The following ST8SIA6 variants were observed in gnomAD, a reference collection of about 807,000 sequenced individuals.
ST8SIA6 encodes alpha-2,8-sialyltransferase 8F.
Under a neutral mutation model 33.6 loss-of-function variants are expected in ST8SIA6, and 39 were observed. That is an observed-to-expected ratio of 1.16 (90% CI 0.90 to 1.52). ST8SIA6 has a LOEUF of 1.52. Among genes scored for constraint, ST8SIA6 ranks in the 40% most tolerant of loss-of-function variants. ST8SIA6 has a pLI of 0.00. For synonymous variants in ST8SIA6, 172 were observed against 167.2 expected (o/e 1.03, Z -0.22); for missense variants, 441 against 443.8 (o/e 0.99, Z 0.06).
rs1170874594 is a variant in ST8SIA6 at position 17,374,748 on chromosome 10, AAT to A, written c.291-15150_291-15149del. On this transcript the variant is annotated intron_variant, in intron 3 of 7. Transcript: ENST00000377602. Reference sequence around the variant, plus strand: ...TAAATAAATAAATAAATAAATAAATAATAAATATATATATATATATTTAGCTC... The same window carrying A: ...TAAATAAATAAATAAATAAATAAATAAAATATATATATATATATTTAGCTC... Among the ~76,000 whole-genome samples, 560 of 66,126 alleles carry A rather than the reference AAT, an allele frequency of 8.5e-3. 10 individuals carry two copies. The highest frequency in any genetic ancestry group is 0.031 in the East Asian group (39 of 1,256). The allele number at this position is 66,126 out of a possible 152,430, so 43.4% of individuals were successfully genotyped here. A position where few individuals can be genotyped will look rare whatever the true frequency, so the allele number is the denominator to read the frequency against.
chr10:17,379,176 T>A (rs1415914706), intron 3 of ST8SIA6, among the ~76,000 whole-genome samples: 1 of 151,100 alleles, frequency 6.6e-6, no homozygotes, highest in East Asian at 1.9e-4. Flanking sequence ...CCCAAAGATC[T>A]AGCTAGGCAA....
chr10:17,388,791 C>G (rs1850475577), intron 3 of ST8SIA6, among the ~76,000 whole-genome samples: 1 of 152,212 alleles, frequency 6.6e-6, no homozygotes, highest in Non-Finnish European at 1.5e-5. Flanking sequence ...TGGTTTGAGT[C>G]TGAAACAAAA....
At chr10:17,407,674 A>G (rs1014475946) in intron 2 of ST8SIA6, among the ~76,000 whole-genome samples, 6 of 152,220 alleles carry the variant, frequency 3.9e-5, no homozygotes, top group Non-Finnish European at 1.5e-5. Flanking sequence ...TACTGTGTGC[A>G]GGCAGAATGA....
intron 2 of ST8SIA6, among the ~76,000 whole-genome samples, chr10:17,414,878 G>T (rs958673531): frequency 6.6e-6 from 1 of 152,144 alleles, no homozygotes; most frequent in Non-Finnish European, 1.5e-5. Flanking sequence ...CAGAGTGCCT[G>T]TGTTTTTCAT....
intron 3 of ST8SIA6, among the ~76,000 whole-genome samples, chr10:17,379,766 C>T (rs917633714): frequency 6.6e-6 from 1 of 152,120 alleles, no homozygotes; most frequent in African/African-American, 2.4e-5. Flanking sequence ...TATGCCCGAC[C>T]ACCTTGGGCA....
Position 17,320,981 on chromosome 10 carries a change from G to C in ST8SIA6, c.1094C>G (p.Pro365Arg), listed in dbSNP as rs770975338. ...GGGCATCTGATGGAAACCATGTTTA[G>C]GTAGCTTGTTGTCATAATAGTGATG... ...VSHHYYDNKLPKHGFHQMPKE... is the reference protein window; with the variant it reads ...VSHHYYDNKLRKHGFHQMPKE... Residue 365 changes from proline to arginine, a missense_variant, in exon 8 of 8, where the codon CCT becomes CGT. Transcript: ENST00000377602. The C allele has an allele frequency of 1.2e-6, 2 of 1,614,092 alleles. No individual in the cohort carries two copies.
intron 4 of ST8SIA6, among the ~76,000 whole-genome samples, chr10:17,340,382 C>A (rs968228355): frequency 2.6e-5 from 4 of 152,036 alleles, no homozygotes; most frequent in African/African-American, 7.3e-5. Flanking sequence ...CCTTTAGTCA[C>A]GTGTTCCGTA....
At chr10:17,374,350 C>T (rs79847940) in intron 3 of ST8SIA6, among the ~76,000 whole-genome samples, 2,049 of 152,186 alleles carry the variant, frequency 0.013, 24 homozygotes, top group Non-Finnish European at 0.022. Context: ...TGTTAAACCA[C>T]CTTTTAATAA....
chr10:17,334,551 A>AAATTATT (rs1554785997), intron 4 of ST8SIA6, among the ~76,000 whole-genome samples: 98 of 142,760 alleles, frequency 6.9e-4, no homozygotes, highest in East Asian at 2.4e-3. Context: ...AAAAAAAAAA[A>AAATTATT]ATTATTATTA....
intron 4 of ST8SIA6, among the ~76,000 whole-genome samples, chr10:17,338,028 A>AT (rs1393759952): frequency 1.1e-5 from 1 of 94,978 alleles, no homozygotes; most frequent in Admixed American, 1.5e-4. Context: ...AGAAAATACT[A>AT]TTCTTTTTTT....
intron 3 of ST8SIA6, among the ~76,000 whole-genome samples, chr10:17,369,397 A>G (rs1318143580): frequency 2.6e-5 from 4 of 152,156 alleles, no homozygotes; most frequent in Non-Finnish European, 5.9e-5. Flanking sequence ...TTTTTCTGCT[A>G]TGTATTTCAA....
At chr10:17,444,797 C>G (rs778514977) in intron 2 of ST8SIA6, among the ~76,000 whole-genome samples, 50 of 152,242 alleles carry the variant, frequency 3.3e-4, no homozygotes, top group Non-Finnish European at 6.6e-4. Flanking sequence ...CACATCAGAA[C>G]AGAGATGGGG....
intron 2 of ST8SIA6, among the ~76,000 whole-genome samples, chr10:17,434,170 A>G (rs2131725173): frequency 6.6e-6 from 1 of 152,018 alleles, no homozygotes; most frequent in East Asian, 1.9e-4. Context: ...TAGATGGGGG[A>G]CTCCTTGGGA....
chr10:17,353,299 T>C (rs1849091357), intron 4 of ST8SIA6, among the ~76,000 whole-genome samples: 1 of 152,216 alleles, frequency 6.6e-6, no homozygotes, highest in Admixed American at 6.5e-5. Context: ...TTTCCAGTTT[T>C]ATGATCTAAT....
rs182354683 is a variant in ST8SIA6, at chr10:17,321,966, G to A, written c.729-620C>T. Among the ~76,000 whole-genome samples, 208 of 152,078 alleles carry A rather than the reference G, an allele frequency of 1.4e-3. 1 individual carries two copies. The highest frequency in any genetic ancestry group is 4.7e-3 in the African/African-American group (196 of 41,500). ...AAAAATAAAAATATTAGCTGGGAACGGTGGTGCATGCCTGTAGTCCCAGCT... is the reference window on the plus strand; with the variant it reads ...AAAAATAAAAATATTAGCTGGGAACAGTGGTGCATGCCTGTAGTCCCAGCT... On this transcript the variant is annotated intron_variant, in intron 7 of 7. Transcript: ENST00000377602.
intron 6 of ST8SIA6, among the ~76,000 whole-genome samples, chr10:17,324,930 C>T (rs1588778316): frequency 7.0e-6 from 1 of 142,540 alleles, no homozygotes; most frequent in Non-Finnish European, 1.5e-5. Flanking sequence ...ATATAATATG[C>T]ATACATATTA....
At chr10:17,414,152 A>G (rs1851536253) in intron 2 of ST8SIA6, among the ~76,000 whole-genome samples, 1 of 141,494 alleles carries the variant, frequency 7.1e-6, no homozygotes, top group African/African-American at 2.5e-5. Context: ...ATTTGGAGGC[A>G]TGGATGTACC....
chr10:17,385,247 T>G (rs932962068), intron 3 of ST8SIA6, among the ~76,000 whole-genome samples: 7 of 152,184 alleles, frequency 4.6e-5, no homozygotes, highest in Non-Finnish European at 1.0e-4. Context: ...CTCAAAAGAA[T>G]GCAACCATTT....
chr10:17,381,120 C>T (rs1407426924), intron 3 of ST8SIA6, among the ~76,000 whole-genome samples: 5 of 151,642 alleles, frequency 3.3e-5, no homozygotes, highest in African/African-American at 7.3e-5. Context: ...AGAGTTTACT[C>T]GGGTTTTTAA....
Sources: allele counts gnomAD v4.1 joint callset (sites outside exome capture counted in the v4.1 genomes callset), GRCh38; gene constraint gnomAD v4.1.1; transcripts MANE v1.5; gene names NCBI Gene and HGNC (gene_info 2026-07-23, HGNC 2026-07-21).